The following ZNF618 variants were observed in gnomAD, a reference collection of about 807,000 sequenced individuals.
ZNF618 encodes neural precursor cell expressed, developmentally down-regulated 10.
In ZNF618, 34 loss-of-function variants were observed where a neutral mutation model predicts 103.0. The ratio of observed to expected loss-of-function variants is 0.33; its 90% CI spans 0.25 to 0.44. The LOEUF is 0.44. ZNF618 is among the 20% of genes least tolerant of loss of function. The pLI, the probability that ZNF618 is intolerant of heterozygous loss-of-function variation, is 1.00. For synonymous variants in ZNF618, 551 were observed against 542.2 expected, an observed-to-expected ratio of 1.02 and a Z score of -0.23; for missense variants, 1,059 against 1,295.4, an observed-to-expected ratio of 0.82 and a Z score of 2.80.
In ZNF618 at chr9:113,988,270, C is replaced by T. The variant is rs1398801617; in HGVS notation, c.78-51C>T. On this transcript the variant is annotated intron_variant, in intron 2 of 14. Transcript: ENST00000374126. ...TGTGGTGCCATGGGCTGGTGGGCTCCTGTGTTGATCTGGAGGAAGAAGGTA... is the reference window on the plus strand; with the variant it reads ...TGTGGTGCCATGGGCTGGTGGGCTCTTGTGTTGATCTGGAGGAAGAAGGTA... 11 of 1,564,522 alleles carry T rather than the reference C, an allele frequency of 7.0e-6. No individual in the cohort carries two copies. In the African/African-American group the frequency reaches 1.5e-4, roughly 21 times the overall value.
At chr9:113,888,308 C>T (rs1348251293) in intron 1 of ZNF618, among the ~76,000 whole-genome samples, 3 of 152,226 alleles carry the variant, frequency 2.0e-5, no homozygotes, top group African/African-American at 4.8e-5. Context: ...TGAGCCATGG[C>T]GTCTGGGGAA....
At chr9:113,989,884 C>T (rs1413299373) in intron 3 of ZNF618, among the ~76,000 whole-genome samples, 1 of 152,242 alleles carries the variant, frequency 6.6e-6, no homozygotes, top group Non-Finnish European at 1.5e-5. Context: ...TTGCCTGCCC[C>T]CTGCCCTGGC....
intron 1 of ZNF618, among the ~76,000 whole-genome samples, chr9:113,923,441 T>C (rs2131685456): frequency 6.6e-6 from 1 of 152,298 alleles, no homozygotes; most frequent in Middle Eastern, 3.4e-3. Context: ...TTGTAGATGT[T>C]CTTGATCAAG....
At chr9:113,973,712 G>C (rs566423543) in intron 2 of ZNF618, among the ~76,000 whole-genome samples, 2 of 152,316 alleles carry the variant, frequency 1.3e-5, no homozygotes, top group African/African-American at 4.8e-5. Flanking sequence ...AGGAAATGCA[G>C]TTTTTGTAAT....
chr9:114,018,494 G>A (rs7023899), intron 10 of ZNF618, among the ~76,000 whole-genome samples: 42,905 of 152,226 alleles, frequency 0.28, 6,511 homozygotes, highest in African/African-American at 0.39. Context: ...AGCCTTTGGA[G>A]ACTATCTTCA....
chr9:114,037,305 C>G (rs935229272), intron 13 of ZNF618, among the ~76,000 whole-genome samples: 1 of 152,154 alleles, frequency 6.6e-6, no homozygotes, highest in Non-Finnish European at 1.5e-5. Context: ...AGCATCCTCT[C>G]TCTTTGTGGA....
At chr9:113,968,364 T>C (rs774264974) in intron 1 of ZNF618, among the ~76,000 whole-genome samples, 3 of 152,244 alleles carry the variant, frequency 2.0e-5, no homozygotes, top group Non-Finnish European at 4.4e-5. Flanking sequence ...TATTATCCTA[T>C]GATTCTTATT....
At chr9:113,920,267 G>T (rs1237717265) in intron 1 of ZNF618, among the ~76,000 whole-genome samples, 1 of 152,160 alleles carries the variant, frequency 6.6e-6, no homozygotes, top group Non-Finnish European at 1.5e-5. Context: ...CCCTTTAGGG[G>T]CTAGGAGACC....
chr9:114,053,683 G>A lies in ZNF618; in HGVS notation c.*3516G>A, dbSNP rs1275179063. On this transcript the variant is annotated 3_prime_UTR_variant, in exon 15 of 15. Transcript: ENST00000374126. Reference sequence around the variant, plus strand: ...AATCTCAGGTCCACCAAGAGCATTGGTACCATCTGGGCCACGGGTGGATGC... The same window carrying A: ...AATCTCAGGTCCACCAAGAGCATTGATACCATCTGGGCCACGGGTGGATGC... 5 of 152,212 alleles carry A rather than the reference G, an allele frequency of 3.3e-5. No individual in the cohort carries two copies. Among genetic ancestry groups the A allele is most frequent in the Admixed American group, 6.5e-5 (1 of 15,280 alleles). 9.4% of individuals were successfully genotyped at this position (152,212 alleles called of 1,614,324 possible).
rs535994605 is a variant in ZNF618 at position 113,966,797 on chromosome 9, C to T, written c.34-2320C>T. Reference sequence around the variant, plus strand: ...CCACACCCTGCCCAGGTAGAACTCTCCTCTAGTTGCCCCAGTTTCCCAGCA... The same window carrying T: ...CCACACCCTGCCCAGGTAGAACTCTTCTCTAGTTGCCCCAGTTTCCCAGCA... On this transcript the variant is annotated intron_variant, in intron 1 of 14. Transcript: ENST00000374126. 1.5e-4 allele frequency among the ~76,000 whole-genome samples: 23 copies of T among 152,336 alleles called. No individual in the cohort carries two copies. In the Middle Eastern group the frequency reaches 0.01, roughly 68 times the overall value.
At chr9:113,925,028 T>C (rs1832964120) in intron 1 of ZNF618, among the ~76,000 whole-genome samples, 1 of 152,018 alleles carries the variant, frequency 6.6e-6, no homozygotes, top group African/African-American at 2.4e-5. Flanking sequence ...TATAATAATG[T>C]CAATTAGATC....
chr9:113,922,616 T>C (rs1832746671), intron 1 of ZNF618, among the ~76,000 whole-genome samples: 1 of 152,174 alleles, frequency 6.6e-6, no homozygotes, highest in African/African-American at 2.4e-5. Flanking sequence ...ATTTTTGGGC[T>C]TTCTATTCTG....
chr9:114,017,504 C>T (rs1842743515), intron 10 of ZNF618, among the ~76,000 whole-genome samples: 1 of 152,214 alleles, frequency 6.6e-6, no homozygotes, highest in Admixed American at 6.5e-5. Context: ...TCTCCATCCT[C>T]AGATCCCCGA....
At chr9:113,945,771 T>C (rs2132154384) in intron 1 of ZNF618, among the ~76,000 whole-genome samples, 1 of 152,284 alleles carries the variant, frequency 6.6e-6, no homozygotes, top group East Asian at 1.9e-4. Context: ...AATAAAAATA[T>C]AGGGCTGGGG....
intron 1 of ZNF618, among the ~76,000 whole-genome samples, chr9:113,889,128 C>T (rs1331408703): frequency 2.6e-5 from 4 of 152,156 alleles, no homozygotes; most frequent in Non-Finnish European, 5.9e-5. Context: ...TTTATTGTCT[C>T]ATGGTTTCTG....
At chr9:113,908,951 TC>T (rs1674152515) in intron 1 of ZNF618, among the ~76,000 whole-genome samples, 1 of 151,834 alleles carries the variant, frequency 6.6e-6, no homozygotes, top group African/African-American at 2.4e-5. Context: ...GTTTTAGTCC[TC>T]CTTTTTAGTC....
chr9:113,968,749 AAATCTACAGCTAC>A (rs1342642823), intron 1 of ZNF618, among the ~76,000 whole-genome samples: 1 of 152,232 alleles, frequency 6.6e-6, no homozygotes, highest in African/African-American at 2.4e-5. Context: ...TGGTAGGAAT[AAATCTACAGCTAC>A]TGTTTTATTG....
Position 114,002,654 on chromosome 9 carries a change from C to A in ZNF618, c.542C>A (p.Ser181Tyr), listed in dbSNP as rs1455993450. The change falls in exon 6 of 15, where the codon TCC becomes TAC. Residue 181 changes from serine to tyrosine, a missense_variant. Physicochemically the swap from Ser to Tyr is moderately radical, Grantham distance 144. Coordinates refer to ENST00000374126, the MANE Select transcript of ZNF618 (RefSeq NM_001318042.2). ...GAAGCCACCTCAGGGGAGGGAGCCT[C>A]CCAAAGCAGTGAGTACTTTTTCCTC... ...DTEATSGEGA[S>Y]QSNNFRYTCD... 2 of 1,611,396 alleles carry A rather than the reference C, an allele frequency of 1.2e-6. No individual in the cohort carries two copies. Among genetic ancestry groups the A allele is most frequent in the Non-Finnish European group, 1.7e-6 (2 of 1,179,706 alleles).
At chr9:113,901,779 G>A (rs780205011) in intron 1 of ZNF618, among the ~76,000 whole-genome samples, 1 of 152,122 alleles carries the variant, frequency 6.6e-6, no homozygotes, top group African/African-American at 2.4e-5. Context: ...TCTCTCTCCT[G>A]CTGCCTCCTT....
Sources: gnomAD v4.1 joint callset for allele counts (sites outside exome capture counted in the v4.1 genomes callset) on GRCh38, gnomAD v4.1.1 for gene constraint, MANE v1.5 for transcripts, NCBI Gene and HGNC (gene_info 2026-07-23, HGNC 2026-07-21) for gene names.